TPMT: variants seen among roughly 807,000 people sequenced by gnomAD.
TPMT encodes S-adenosyl-L-methionine:thiopurine S-methyltransferase.
A neutral mutation model predicts 34.2 loss-of-function variants in TPMT; 18 were observed. That is an observed-to-expected ratio of 0.53 (90% CI 0.36 to 0.78). TPMT has a LOEUF of 0.78. TPMT is among the 30% of genes least tolerant of loss of function. TPMT has a pLI of 0.00. For missense variants in TPMT, 265 were observed against 288.1 expected, an observed-to-expected ratio of 0.92 and a Z score of 0.58; for synonymous variants, 69 against 92.4, an observed-to-expected ratio of 0.75 and a Z score of 1.45.
rs1341198694 is a variant in TPMT at position 18,136,332 on chromosome 6, T to A, written c.495-2443A>T. On this transcript the variant is annotated intron_variant, in intron 6 of 8. Transcript: ENST00000309983. The surrounding 1 kb of genome is among the most constrained non-coding windows in gnomAD (Gnocchi z 4.7). ...GGAAGTGCAAAGCAGACACTGGACA[T>A]GTGATGTGGATGTTTGGGAGAAAGA... Among the ~76,000 whole-genome samples the A allele has an allele frequency of 6.6e-6, 1 of 152,086 alleles. No individual in the cohort carries two copies. The highest frequency in any genetic ancestry group is 1.5e-5 in the Non-Finnish European group (1 of 68,014).
At position 18,135,987 on chromosome 6, in the gene TPMT, G is replaced by A. The variant is rs1432941157; in HGVS notation, c.495-2098C>T. The stretch of plus-strand genomic sequence containing the variant: ...AACATTTATTAAGCTCTTACTAGGT[G>A]CTAAATATATATTATATCAGACACT... On this transcript the variant is annotated intron_variant, in intron 6 of 8. Coordinates refer to ENST00000309983, the MANE Select transcript of TPMT (RefSeq NM_000367.5). The surrounding 1 kb of genome is among the most constrained non-coding windows in gnomAD (Gnocchi z 5.0). Among the ~76,000 whole-genome samples, 1 of 152,098 alleles carries A rather than the reference G, an allele frequency of 6.6e-6. No homozygotes were observed. Among genetic ancestry groups the A allele is most frequent in the Admixed American group, 6.6e-5 (1 of 15,264 alleles).
rs1453317131 is a variant in TPMT, at chr6:18,139,024, T to G, written c.433A>C (p.Lys145Gln). 1 of 1,613,636 alleles carries G rather than the reference T, an allele frequency of 6.2e-7. No homozygotes were observed. The highest frequency in any genetic ancestry group is 8.5e-7 in the Non-Finnish European group (1 of 1,179,616). Residue 145 changes from lysine to glutamine, a missense_variant, in exon 6 of 9, where the codon AAA becomes CAA. By Grantham distance (53) the Lys-to-Gln change is moderately conservative. Transcript: ENST00000309983. This position sits in a 1 kb window ranked among gnomAD's most constrained non-coding sequence, Gnocchi z 4.2. ...CCTCTATCCCAAATCATGTCAAATTTGCCAATATTTGTCCTACCAGAAAGA... is the reference window on the plus strand; with the variant it reads ...CCTCTATCCCAAATCATGTCAAATTGGCCAATATTTGTCCTACCAGAAAGA... The part of the protein sequence containing the change: ...IFDLPRTNIG[K>Q]FDMIWDRGAL...
chr6:18,139,742 A>ATT lies in TPMT; in HGVS notation c.367-27_367-26dup, dbSNP rs34826076. ...TCTGTAATGAAATAATGAAAAAAAA[A>ATT]TTTTTTTTTTTTACTTAGTAAGTAC... On this transcript the variant is annotated intron_variant, in intron 4 of 8. Coordinates refer to ENST00000309983, the MANE Select transcript of TPMT (RefSeq NM_000367.5). The surrounding 1 kb of genome is among the most constrained non-coding windows in gnomAD (Gnocchi z 4.2). 1.1e-5 allele frequency: 7 copies of ATT among 636,692 alleles called. No homozygotes were observed. The highest frequency in any genetic ancestry group is 5.7e-5 in the East Asian group (1 of 17,618). 39.4% of individuals were successfully genotyped at this position (636,692 alleles called of 1,614,324 possible). A position where few individuals can be genotyped will look rare whatever the true frequency, so the allele number is the denominator to read the frequency against.
In TPMT at chr6:18,149,522, C is replaced by T. The variant is rs1198121079; in HGVS notation, c.-44-351G>A. On this transcript the variant is annotated intron_variant, in intron 1 of 8. Coordinates refer to ENST00000309983, the MANE Select transcript of TPMT (RefSeq NM_000367.5). This position sits in a 1 kb window ranked among gnomAD's most constrained non-coding sequence, Gnocchi z 5.0. The stretch of plus-strand genomic sequence containing the variant: ...CTTGCTCTGTCACCCAGGCTGGAGA[C>T]CCTGGCTTACTGCAAGCTTCAACCT... Among the ~76,000 whole-genome samples the T allele has an allele frequency of 6.6e-6, 1 of 151,452 alleles. No individual in the cohort carries two copies. Among genetic ancestry groups the T allele is most frequent in the East Asian group, 1.9e-4 (1 of 5,158 alleles).
chr6:18,133,775 AAG>A, intron 7 of TPMT, 27 bp downstream of exon 7: 1 of 1,380,914 alleles, frequency 7.2e-7, no homozygotes, highest in Non-Finnish European at 9.8e-7. Flanking sequence ...CAACTGGTAA[AAG>A]AAAAAAAAAA....
Position 18,130,832 on chromosome 6 carries a change from G to T in TPMT, c.626-52C>A. ...AAATACTATGAAGAATGACATCAGG[G>T]ATTCTTTTAAAAATACTCAAAATTG... On this transcript the variant is annotated intron_variant, in intron 8 of 8. Coordinates refer to ENST00000309983, the MANE Select transcript of TPMT (RefSeq NM_000367.5). This position sits in a 1 kb window ranked among gnomAD's most constrained non-coding sequence, Gnocchi z 4.2. 6.8e-7 allele frequency: 1 copy of T among 1,480,534 alleles called. No individual in the cohort carries two copies. The highest frequency in any genetic ancestry group is 1.1e-5 in the South Asian group (1 of 88,034). 91.7% of individuals were successfully genotyped at this position (1,480,534 alleles called of 1,614,324 possible). A position where few individuals can be genotyped will look rare whatever the true frequency, so the allele number is the denominator to read the frequency against.
At position 18,132,264 on chromosome 6, in the gene TPMT, G is replaced by A. The variant is rs78846846; in HGVS notation, c.581-87C>T. ...ATACAACTTCATTATCCAAATAGGT[G>A]ATGATGTGGCATGTTCTTCTCATTC... On this transcript the variant is annotated intron_variant, in intron 7 of 8. Coordinates refer to ENST00000309983, the MANE Select transcript of TPMT (RefSeq NM_000367.5). The surrounding 1 kb of genome is among the most constrained non-coding windows in gnomAD (Gnocchi z 4.8). 51,127 of 1,241,668 alleles carry A rather than the reference G, an allele frequency of 0.041. 1,264 individuals are homozygous for A. The highest frequency in any genetic ancestry group is 0.055 in the African/African-American group (3,690 of 67,456). The allele number at this position is 1,241,668 out of a possible 1,614,324, so 76.9% of individuals were successfully genotyped here. A position where few individuals can be genotyped will look rare whatever the true frequency, so the allele number is the denominator to read the frequency against.
chr6:18,139,733 G>GA lies in TPMT; in HGVS notation c.367-17dup, dbSNP rs78425561. ...CCGAAGAACTCTGTAATGAAATAAT[G>GA]AAAAAAAAATTTTTTTTTTTTACTT... On this transcript the variant is annotated splice_polypyrimidine_tract_variant and intron_variant, in intron 4 of 8. Coordinates refer to ENST00000309983, the MANE Select transcript of TPMT (RefSeq NM_000367.5). The surrounding 1 kb of genome is among the most constrained non-coding windows in gnomAD (Gnocchi z 4.2). The GA allele has an allele frequency of 1.4e-5, 20 of 1,429,994 alleles. No individual in the cohort carries two copies. Among genetic ancestry groups the GA allele is most frequent in the Non-Finnish European group, 1.7e-5 (18 of 1,038,054 alleles). 88.6% of individuals were successfully genotyped at this position (1,429,994 alleles called of 1,614,324 possible). A position where few individuals can be genotyped will look rare whatever the true frequency, so the allele number is the denominator to read the frequency against.
chr6:18,141,551 G>A (rs1784142018), intron 4 of TPMT, among the ~76,000 whole-genome samples: 1 of 152,100 alleles, frequency 6.6e-6, no homozygotes. Context: ...TGTTGGCCAT[G>A]CTGGTCCTGA....
At position 18,138,641 on chromosome 6, in the gene TPMT, G is replaced by A. The variant is rs567243888; in HGVS notation, c.494+322C>T. Among the ~76,000 whole-genome samples, 13 of 152,320 alleles carry A rather than the reference G, an allele frequency of 8.5e-5. No individual in the cohort carries two copies. Among genetic ancestry groups the A allele is most frequent in the African/African-American group, 3.1e-4 (13 of 41,570 alleles). On this transcript the variant is annotated intron_variant, in intron 6 of 8. Transcript: ENST00000309983. This position sits in a 1 kb window ranked among gnomAD's most constrained non-coding sequence, Gnocchi z 4.1. ...GTATTACCTGGTAATATTAGTGGAG[G>A]TGGTGATGATTGTGTTAGTATTACA...
rs1419856318 is a variant in TPMT, at chr6:18,138,996, G to GCTC, written c.458_460dup (p.Gly153dup). The GCTC allele has an allele frequency of 6.2e-7, 1 of 1,613,612 alleles. No individual in the cohort carries two copies. The highest frequency in any genetic ancestry group is 8.5e-7 in the Non-Finnish European group (1 of 1,179,622). On this transcript the variant is annotated inframe_insertion, in exon 6 of 9. Transcript: ENST00000309983. This position sits in a 1 kb window ranked among gnomAD's most constrained non-coding sequence, Gnocchi z 4.1. ...ATCACCTGGATTGATGGCAACTAATGCTCCTCTATCCCAAATCATGTCAAA... is the reference window on the plus strand; with the variant it reads ...ATCACCTGGATTGATGGCAACTAATGCTCCTCCTCTATCCCAAATCATGTCAAA...
chr6:18,154,758 G>A lies in TPMT; in HGVS notation c.-45+275C>T, dbSNP rs531117422. 5.6e-4 allele frequency among the ~76,000 whole-genome samples: 85 copies of A among 152,186 alleles called. No homozygotes were observed. The highest frequency in any genetic ancestry group is 9.6e-4 in the Non-Finnish European group (65 of 68,002). ...ACTGCACGCTAGCATGGGCGACAGA[G>A]GGAGACCCTGTCTCTAAAAGAAAAA... On this transcript the variant is annotated intron_variant, in intron 1 of 8. Transcript: ENST00000309983. This position sits in a 1 kb window ranked among gnomAD's most constrained non-coding sequence, Gnocchi z 4.2.
rs778148872 is a variant in TPMT at position 18,154,716 on chromosome 6, T to C, written c.-45+317A>G. Among the ~76,000 whole-genome samples the C allele has an allele frequency of 3.3e-5, 5 of 152,034 alleles. No homozygotes were observed. Among genetic ancestry groups the C allele is most frequent in the Non-Finnish European group, 7.4e-5 (5 of 68,004 alleles). On this transcript the variant is annotated intron_variant, in intron 1 of 8. Transcript: ENST00000309983. The surrounding 1 kb of genome is among the most constrained non-coding windows in gnomAD (Gnocchi z 4.2). ...TGAGCCCAGGAGTTCCAGGTTACAG[T>C]GAGCTATGATTGTGCCACTGCACGC...
At position 18,153,362 on chromosome 6, in the gene TPMT, A is replaced by G. The variant is rs1400321461; in HGVS notation, c.-45+1671T>C. ...CCTTTCCTTTCAATGTCAACTCTGC[A>G]ATATTAAGGACAATATAACACCATT... On this transcript the variant is annotated intron_variant, in intron 1 of 8. Coordinates refer to ENST00000309983, the MANE Select transcript of TPMT (RefSeq NM_000367.5). The surrounding 1 kb of genome is among the most constrained non-coding windows in gnomAD (Gnocchi z 4.2). Among the ~76,000 whole-genome samples the G allele has an allele frequency of 6.6e-6, 1 of 152,268 alleles. No individual in the cohort carries two copies. Among genetic ancestry groups the G allele is most frequent in the Non-Finnish European group, 1.5e-5 (1 of 68,054 alleles).
In TPMT at chr6:18,132,742, T is replaced by C. The variant is rs544406166; in HGVS notation, c.581-565A>G. 1.3e-5 allele frequency among the ~76,000 whole-genome samples: 2 copies of C among 152,200 alleles called. No homozygotes were observed. Among genetic ancestry groups the C allele is most frequent in the East Asian group, 3.9e-4 (2 of 5,170 alleles). On this transcript the variant is annotated intron_variant, in intron 7 of 8. Coordinates refer to ENST00000309983, the MANE Select transcript of TPMT (RefSeq NM_000367.5). This position sits in a 1 kb window ranked among gnomAD's most constrained non-coding sequence, Gnocchi z 4.8. ...TCCATTTGATTGTCTCTGATTTAAT[T>C]AGGGACACTAGGTCTCATCTTTTAA...
At chr6:18,142,044 C>T (rs112331954) in intron 4 of TPMT, among the ~76,000 whole-genome samples, 253 of 152,270 alleles carry the variant, frequency 1.7e-3, no homozygotes, top group African/African-American at 5.9e-3. Flanking sequence ...GTTATGTAAA[C>T]ATCACACTTG....
At position 18,149,118 on chromosome 6, in the gene TPMT, T is replaced by A. The variant is rs1443281341; in HGVS notation, c.10A>T (p.Thr4Ser). MDG[T>S]RTSLDIEEYS... is the part of the protein sequence containing the mutation. The stretch of plus-strand genomic sequence containing the variant: ...TCTTCAATGTCAAGTGAAGTTCTTG[T>A]ACCATCCATAGTTTCAGAGACACCT... Residue 4 changes from threonine to serine, a missense_variant, in exon 2 of 9, where the codon ACA (threonine) becomes TCA (serine). Coordinates refer to ENST00000309983, the MANE Select transcript of TPMT (RefSeq NM_000367.5). The surrounding 1 kb of genome is among the most constrained non-coding windows in gnomAD (Gnocchi z 5.0). 1 of 1,614,156 alleles carries A rather than the reference T, an allele frequency of 6.2e-7. No individual in the cohort carries two copies. The highest frequency in any genetic ancestry group is 2.2e-5 in the East Asian group (1 of 44,874).
rs1170004173 is a variant in TPMT, at chr6:18,136,373, TAA to T, written c.495-2486_495-2485del. On this transcript the variant is annotated intron_variant, in intron 6 of 8. Coordinates refer to ENST00000309983, the MANE Select transcript of TPMT (RefSeq NM_000367.5). The surrounding 1 kb of genome is among the most constrained non-coding windows in gnomAD (Gnocchi z 4.7). ...GGGAGAAAGAACAGAGCTGGAAATG[TAA>T]AGACTGTCAGAGCGAATACCATGTA... Among the ~76,000 whole-genome samples, 1 of 152,088 alleles carries T rather than the reference TAA, an allele frequency of 6.6e-6. No individual in the cohort carries two copies. Among genetic ancestry groups the T allele is most frequent in the Non-Finnish European group, 1.5e-5 (1 of 68,028 alleles).
In TPMT at chr6:18,145,101, G is replaced by T. The variant is rs1348722844; in HGVS notation, c.234-1373C>A. 6.6e-6 allele frequency among the ~76,000 whole-genome samples: 1 copy of T among 152,146 alleles called. No homozygotes were observed. The highest frequency in any genetic ancestry group is 1.5e-5 in the Non-Finnish European group (1 of 68,018). On this transcript the variant is annotated intron_variant, in intron 3 of 8. Transcript: ENST00000309983. This position sits in a 1 kb window ranked among gnomAD's most constrained non-coding sequence, Gnocchi z 5.6. Reference sequence around the variant, plus strand: ...TATCTAGGCACAGTTATGATTTTATGTCAAGTGAAATAAAAACATAGTTCT... The same window carrying T: ...TATCTAGGCACAGTTATGATTTTATTTCAAGTGAAATAAAAACATAGTTCT...
Sources: gnomAD v4.1 joint callset for allele counts (sites outside exome capture counted in the v4.1 genomes callset) on GRCh38, gnomAD v4.1.1 for gene constraint, Gnocchi (gnomAD v3.1) non-coding constraint, MANE v1.5 for transcripts, NCBI Gene and HGNC (gene_info 2026-07-23, HGNC 2026-07-21) for gene names.